The following CFAP47 variants were observed in gnomAD, a reference collection of about 807,000 sequenced individuals.
The protein encoded by CFAP47 is cilia and flagella associated protein 47.
In CFAP47, 29 loss-of-function variants were observed where a neutral mutation model predicts 148.1. That is an observed-to-expected ratio of 0.20 (90% CI 0.15 to 0.27). The LOEUF (loss-of-function observed/expected upper bound fraction) is 0.27. Among genes scored for constraint, CFAP47 ranks in the 10% least tolerant of loss-of-function variants. The probability of loss-of-function intolerance (pLI) is 1.00; values close to 1 mark genes in which losing one functional copy is unlikely to be tolerated. For missense variants in CFAP47, 1,872 were observed against 1,697.5 expected (o/e 1.10, Z -1.81); for synonymous variants, 664 against 577.3 (o/e 1.15, Z -2.15).
At chrX:36,098,002 ATTCT>A (rs1225547327) in intron 30 of CFAP47, among the ~76,000 whole-genome samples, 1 of 110,615 alleles carries the variant, frequency 9.0e-6, no homozygotes, top group Non-Finnish European at 1.9e-5. Flanking sequence ...CATTGTTTTT[ATTCT>A]TTCTTTTTTT....
At chrX:36,094,837 T>C (rs1569257022) in intron 30 of CFAP47, among the ~76,000 whole-genome samples, 1 of 111,417 alleles carries the variant, frequency 9.0e-6, no homozygotes, top group East Asian at 2.8e-4. Context: ...ATAATTTGAC[T>C]TTTTTATTCT....
At position 36,064,346 on chromosome X, in the gene CFAP47, C is replaced by T. The variant is rs778942988; in HGVS notation, c.4218-1297C>T. Among the ~76,000 whole-genome samples the T allele has an allele frequency of 7.2e-5, 8 of 111,388 alleles. No individual in the cohort carries two copies. The South Asian group carries it at 3.0e-3, about 42-fold the overall frequency. Reference sequence around the variant, plus strand: ...TGATACATGTGCTTAGGATCCATAGCAAAGAAAGATAAGGTTAGTGTTTGT... The same window carrying T: ...TGATACATGTGCTTAGGATCCATAGTAAAGAAAGATAAGGTTAGTGTTTGT... On this transcript the variant is annotated intron_variant, in intron 26 of 63. Transcript: ENST00000378653.
At chrX:36,248,163 GTATTATGTATTATATT>G (rs1270569587) in intron 48 of CFAP47, among the ~76,000 whole-genome samples, 42 of 105,428 alleles carry the variant, frequency 4.0e-4, no homozygotes, top group East Asian at 5.8e-4. Flanking sequence ...TATCATATAT[GTATTATGTATTATATT>G]TATTATGTAT....
At chrX:36,358,235 G>A (rs6632588) in intron 60 of CFAP47, among the ~76,000 whole-genome samples, 35,197 of 111,401 alleles carry the variant, frequency 0.32, 6,777 homozygotes, top group African/African-American at 0.73. Context: ...AGTCATATCT[G>A]TGTTCCACAT....
chrX:36,087,750 G>A (rs189138256), intron 30 of CFAP47, among the ~76,000 whole-genome samples: 83 of 111,940 alleles, frequency 7.4e-4, no homozygotes, highest in African/African-American at 2.4e-3. Flanking sequence ...AAATTGCATC[G>A]CAGGACATTT....
At chrX:35,981,646 C>A (rs1936646748) in intron 15 of CFAP47, among the ~76,000 whole-genome samples, 1 of 111,290 alleles carries the variant, frequency 9.0e-6, no homozygotes, top group African/African-American at 3.3e-5. Context: ...TAGTACCCAA[C>A]AAGTAGTTTT....
At position 36,371,897 on chromosome X, in the gene CFAP47, CAT is replaced by C. The variant is rs1491383884; in HGVS notation, c.9185+4771_9185+4772del. Among the ~76,000 whole-genome samples, 9 of 76,884 alleles carry C rather than the reference CAT, an allele frequency of 1.2e-4. 1 individual carries two copies. The highest frequency in any genetic ancestry group is 9.1e-4 in the East Asian group (2 of 2,188). The allele number at this position is 76,884 out of a possible 115,157, so 66.8% of individuals were successfully genotyped here. A position where few individuals can be genotyped will look rare whatever the true frequency, so the allele number is the denominator to read the frequency against. ...GTGTATATATGTGTGCATATACACACATGTGTATATATGTGTGTATATATGTG... is the reference window on the plus strand; with the variant it reads ...GTGTATATATGTGTGCATATACACACGTGTATATATGTGTGTATATATGTG... On this transcript the variant is annotated intron_variant, in intron 62 of 63. Coordinates refer to ENST00000378653, the MANE Select transcript of CFAP47 (RefSeq NM_001304548.2).
Position 35,971,666 on chromosome X carries a change from C to T in CFAP47, c.2051C>T (p.Ala684Val), listed in dbSNP as rs1329294430. Residue 684 changes from alanine (A) to valine (V), a missense_variant, in exon 12 of 64, where the codon GCG (alanine) becomes GTG (valine). Physicochemically the swap from Ala to Val is moderately conservative, Grantham distance 64. Coordinates refer to ENST00000378653, the MANE Select transcript of CFAP47 (RefSeq NM_001304548.2). The part of the protein sequence containing the change: ...SGLKSPSLSE[A>V]EIEEELSSAA... ...CTAAAGTCACCCTCACTCTCAGAAG[C>T]GGAAATAGAAGAGGAGCTGTCTTCA... 2.5e-6 allele frequency: 3 copies of T among 1,205,705 alleles called. No homozygotes were observed. Among genetic ancestry groups the T allele is most frequent in the Middle Eastern group, 2.3e-4 (1 of 4,365 alleles).
chrX:36,371,925 T>TGC (rs1410768835), intron 62 of CFAP47, among the ~76,000 whole-genome samples: 2 of 54,282 alleles, frequency 3.7e-5, no homozygotes, highest in African/African-American at 6.6e-4. Context: ...TATATATGTG[T>TGC]ATATACACAC....
intron 36 of CFAP47, among the ~76,000 whole-genome samples, chrX:36,148,025 C>T (rs1939259433): frequency 9.0e-6 from 1 of 111,389 alleles, no homozygotes; most frequent in Non-Finnish European, 1.9e-5. Context: ...AGACTTTATT[C>T]AGGACTATTA....
chrX:36,090,793 A>G (rs966034828), intron 30 of CFAP47, among the ~76,000 whole-genome samples: 1 of 106,072 alleles, frequency 9.4e-6, no homozygotes, highest in African/African-American at 3.7e-5. Flanking sequence ...AATAGGTAAG[A>G]ACTTTTATAC....
intron 57 of CFAP47, among the ~76,000 whole-genome samples, chrX:36,327,185 C>T: frequency 8.9e-6 from 1 of 111,743 alleles, no homozygotes; most frequent in Middle Eastern, 4.6e-3. Flanking sequence ...ACACAGTAAA[C>T]ACATTGGGAG....
chrX:35,926,173 G>A lies in CFAP47; in HGVS notation c.401+5G>A. On this transcript the variant is annotated splice_donor_5th_base_variant and intron_variant, in intron 2 of 63. Transcript: ENST00000378653. The stretch of plus-strand genomic sequence containing the variant: ...AACAGAAATTCCTCTAATTGGGTAT[G>A]TAATCTTCATAGTTCATGCTGACAT... 1 of 1,175,924 alleles carries A rather than the reference G, an allele frequency of 8.5e-7. No individual in the cohort carries two copies. The highest frequency in any genetic ancestry group is 1.2e-6 in the Non-Finnish European group (1 of 866,684).
intron 51 of CFAP47, among the ~76,000 whole-genome samples, chrX:36,288,432 AT>A (rs1556004985): frequency 8.9e-6 from 1 of 112,048 alleles, no homozygotes; most frequent in Non-Finnish European, 1.9e-5. Context: ...CTGACACTCA[AT>A]AACTCTAATA....
chrX:36,094,086 A>G (rs749523647), intron 30 of CFAP47, among the ~76,000 whole-genome samples: 1 of 111,617 alleles, frequency 9.0e-6, no homozygotes, highest in Admixed American at 9.5e-5. Context: ...ATTCTTCTGC[A>G]TATGGATATG....
In CFAP47 at chrX:36,071,949, T is replaced by C. The variant is rs1447939814; in HGVS notation, c.4443T>C (p.Pro1481=). ...YTTSKFNDAE[P]AKGNLFIGVE... The stretch of plus-strand genomic sequence containing the variant: ...CTAGCAAATTCAATGATGCTGAACC[T>C]GCAAAGGGAAACTTATTTATTGGTA... The change falls in exon 28 of 64, where the codon CCT becomes CCC. Residue 1481 remains proline (P), a synonymous_variant. Transcript: ENST00000378653. The C allele has an allele frequency of 6.6e-6, 8 of 1,203,157 alleles. No individual in the cohort carries two copies. Among genetic ancestry groups the C allele is most frequent in the Non-Finnish European group, 9.0e-6 (8 of 892,057 alleles).
intron 26 of CFAP47, among the ~76,000 whole-genome samples, chrX:36,051,346 AG>A (rs1315723825): frequency 8.9e-6 from 1 of 112,071 alleles, no homozygotes; most frequent in Non-Finnish European, 1.9e-5. Context: ...AGCAGCCAGA[AG>A]GGGGGCTGTA....
At chrX:36,202,839 T>C (rs1939996695) in intron 44 of CFAP47, among the ~76,000 whole-genome samples, 2 of 103,681 alleles carry the variant, frequency 1.9e-5, no homozygotes, top group African/African-American at 7.1e-5. Flanking sequence ...ATCACACCAT[T>C]GCACTCCAGC....
chrX:36,200,208 T>C (rs1350498961), intron 42 of CFAP47, among the ~76,000 whole-genome samples, 171 bp from the exon 43 acceptor site: 1 of 112,298 alleles, frequency 8.9e-6, no homozygotes, highest in Non-Finnish European at 1.9e-5. Flanking sequence ...TCCCATACTA[T>C]GGTTGAACTA....
Sources: allele counts gnomAD v4.1 joint callset (sites outside exome capture counted in the v4.1 genomes callset), GRCh38; gene constraint gnomAD v4.1.1; transcripts MANE v1.5; gene names NCBI Gene and HGNC (gene_info 2026-07-23, HGNC 2026-07-21).